Variants in KLHL32 observed in about 807,000 individuals in gnomAD.
The protein encoded by KLHL32 is kelch like family member 32.
In KLHL32, 35 loss-of-function variants were observed where a neutral mutation model predicts 64.8. The ratio of observed to expected loss-of-function variants is 0.54; its 90% CI spans 0.41 to 0.72. The LOEUF (loss-of-function observed/expected upper bound fraction) is 0.72. Ranked by LOEUF, KLHL32 falls within the 30% of genes least tolerant of loss-of-function variation. The pLI, the probability that KLHL32 is intolerant of heterozygous loss-of-function variation, is 0.00. For synonymous variants in KLHL32, 259 were observed against 281.0 expected (o/e 0.92, Z 0.78); for missense variants, 589 against 768.5 (o/e 0.77, Z 2.76).
intron 3 of KLHL32, among the ~76,000 whole-genome samples, chr6:96,998,199 C>A (rs962009346): frequency 1.3e-5 from 2 of 152,154 alleles, no homozygotes; most frequent in African/African-American, 4.8e-5. Context: ...TGTAAACTGT[C>A]AAATACTATA....
At chr6:97,106,897 A>T (rs1796484866) in intron 6 of KLHL32, among the ~76,000 whole-genome samples, 1 of 152,180 alleles carries the variant, frequency 6.6e-6, no homozygotes, top group Non-Finnish European at 1.5e-5. Flanking sequence ...TTCTGAAGTA[A>T]TCCATAAATG....
At chr6:97,017,234 T>C (rs1447594390) in intron 3 of KLHL32, among the ~76,000 whole-genome samples, 1 of 152,114 alleles carries the variant, frequency 6.6e-6, no homozygotes, top group East Asian at 1.9e-4. Context: ...GCCATGTCCT[T>C]GAGATTTAGG....
At chr6:97,080,369 T>C (rs1792309154) in intron 5 of KLHL32, among the ~76,000 whole-genome samples, 1 of 152,172 alleles carries the variant, frequency 6.6e-6, no homozygotes, top group Non-Finnish European at 1.5e-5. Context: ...TTTTGCCTAA[T>C]TATAAGTAAA....
intron 6 of KLHL32, among the ~76,000 whole-genome samples, 197 bp downstream of exon 6, chr6:97,085,538 G>A (rs890026672): frequency 2.0e-5 from 3 of 152,182 alleles, no homozygotes; most frequent in Admixed American, 6.5e-5. Flanking sequence ...GGACTCTGCC[G>A]CTTAACTCAG....
intron 3 of KLHL32, among the ~76,000 whole-genome samples, chr6:97,004,880 A>G (rs574705813): frequency 2.0e-5 from 3 of 151,188 alleles, no homozygotes; most frequent in East Asian, 1.9e-4. Context: ...GTTTATTAGT[A>G]TTTTGTTGTG....
rs761622920 is a variant in KLHL32, at chr6:97,140,081, TA to T, written c.*800del. The T allele has an allele frequency of 2.1e-4, 32 of 152,158 alleles. No homozygotes were observed. The highest frequency in any genetic ancestry group is 4.4e-4 in the Non-Finnish European group (30 of 67,990). 9.4% of individuals were successfully genotyped at this position (152,158 alleles called of 1,614,324 possible). ...GAACCTTGTAATTGAACAGGGAGAT[TA>T]TTTTTGAAGTTTAAAAATTACTAGA... On this transcript the variant is annotated 3_prime_UTR_variant, in exon 11 of 11. Transcript: ENST00000369261.
chr6:96,948,406 G>GA lies in KLHL32; in HGVS notation c.-65-18582dup, dbSNP rs545100235. ...ATATTTTTGTTTTTAATAATGTGGA[G>GA]AAAAAAAATTCAACCAAGACATCAG... On this transcript the variant is annotated intron_variant, in intron 1 of 10. Transcript: ENST00000369261. Among the ~76,000 whole-genome samples, 3 of 151,880 alleles carry GA rather than the reference G, an allele frequency of 2.0e-5. No individual in the cohort carries two copies. The South Asian group carries it at 6.2e-4, about 32-fold the overall frequency.
intron 3 of KLHL32, among the ~76,000 whole-genome samples, chr6:97,024,067 T>A (rs1459546513): frequency 6.6e-6 from 1 of 152,212 alleles, no homozygotes; most frequent in African/African-American, 2.4e-5. Flanking sequence ...CATTGTCCAC[T>A]TTGTGTCTGA....
intron 3 of KLHL32, among the ~76,000 whole-genome samples, chr6:97,031,711 T>C (rs1783581285): frequency 6.6e-6 from 1 of 152,176 alleles, no homozygotes; most frequent in Non-Finnish European, 1.5e-5. Flanking sequence ...GTGGTGATGA[T>C]TTTTATAATG....
intron 3 of KLHL32, among the ~76,000 whole-genome samples, chr6:97,018,005 TA>T (rs1334211070): frequency 6.6e-6 from 1 of 152,158 alleles, no homozygotes; most frequent in Non-Finnish European, 1.5e-5. Flanking sequence ...TTATCTATTA[TA>T]AAACTGCCTA....
rs113534018 is a variant in KLHL32 at position 97,016,865 on chromosome 6, C to T, written c.205-24627C>T. Reference sequence around the variant, plus strand: ...TCTCATGATAATGAGTGAGTTCTCACAAGAACTGATGGTTTTATAAGAGGC... The same window carrying T: ...TCTCATGATAATGAGTGAGTTCTCATAAGAACTGATGGTTTTATAAGAGGC... On this transcript the variant is annotated intron_variant, in intron 3 of 10. Coordinates refer to ENST00000369261, the MANE Select transcript of KLHL32 (RefSeq NM_052904.4). 9.3e-3 allele frequency among the ~76,000 whole-genome samples: 1,421 copies of T among 152,272 alleles called. 17 individuals are homozygous for T. The highest frequency in any genetic ancestry group is 0.031 in the African/African-American group (1,299 of 41,540).
chr6:97,038,326 A>C (rs1163790580), intron 3 of KLHL32, among the ~76,000 whole-genome samples: 1 of 108,070 alleles, frequency 9.3e-6, no homozygotes, highest in Non-Finnish European at 2.0e-5. Flanking sequence ...GTTCACTAGC[A>C]AAAAAAAAAA....
chr6:97,109,820 G>A (rs1217765362), intron 6 of KLHL32, among the ~76,000 whole-genome samples: 1 of 152,284 alleles, frequency 6.6e-6, no homozygotes, highest in Admixed American at 6.5e-5. Context: ...ATGCAGAACT[G>A]TAAGGATATA....
At chr6:97,004,778 A>G (rs1779454318) in intron 3 of KLHL32, among the ~76,000 whole-genome samples, 1 of 152,160 alleles carries the variant, frequency 6.6e-6, no homozygotes, top group Admixed American at 6.5e-5. Flanking sequence ...AGTCACAATA[A>G]TTGATTTGCA....
chr6:97,037,599 A>G (rs1026987576), intron 3 of KLHL32, among the ~76,000 whole-genome samples: 1 of 152,204 alleles, frequency 6.6e-6, no homozygotes, highest in Non-Finnish European at 1.5e-5. Context: ...TAAAATAACA[A>G]TACTATCCAA....
chr6:97,127,767 G>T (rs1799029626), intron 8 of KLHL32, among the ~76,000 whole-genome samples: 1 of 152,168 alleles, frequency 6.6e-6, no homozygotes, highest in Non-Finnish European at 1.5e-5. Context: ...CATTCTAGGA[G>T]GGGATCATGC....
chr6:96,955,798 G>A (rs866039846), intron 1 of KLHL32, among the ~76,000 whole-genome samples: 52 of 152,182 alleles, frequency 3.4e-4, no homozygotes, highest in South Asian at 1.0e-3. Context: ...TTAGCTGGGC[G>A]TGGTGGTGGG....
At chr6:97,124,569 C>T (rs1053188142) in intron 7 of KLHL32, among the ~76,000 whole-genome samples, 2 of 152,074 alleles carry the variant, frequency 1.3e-5, no homozygotes, top group African/African-American at 4.8e-5. Context: ...CTGATACATA[C>T]AGTAGTGTAA....
Position 97,078,444 on chromosome 6 carries a change from T to C in KLHL32, c.412-6682T>C, listed in dbSNP as rs17057370. The stretch of plus-strand genomic sequence containing the variant: ...TTGGAAATGAAAGATTATAATTACA[T>C]TGATGAAACAAAGCATTGTTAAAAT... On this transcript the variant is annotated intron_variant, in intron 5 of 10. Coordinates refer to ENST00000369261, the MANE Select transcript of KLHL32 (RefSeq NM_052904.4). Among the ~76,000 whole-genome samples, 1,368 of 152,282 alleles carry C rather than the reference T, an allele frequency of 9.0e-3. 11 individuals carry two copies. Among genetic ancestry groups the C allele is most frequent in the East Asian group, 0.039 (204 of 5,184 alleles).
Sources: gnomAD v4.1 joint callset for allele counts (sites outside exome capture counted in the v4.1 genomes callset) on GRCh38, gnomAD v4.1.1 for gene constraint, MANE v1.5 for transcripts, NCBI Gene and HGNC (gene_info 2026-07-23, HGNC 2026-07-21) for gene names.